Variants in DOCK3 observed in about 807,000 individuals in gnomAD.
DOCK3 encodes dedicator of cytokinesis protein 3.
Under a neutral mutation model 265.6 loss-of-function variants are expected in DOCK3, and 60 were observed. The observed-to-expected ratio is 0.23, with a 90% CI of 0.18 to 0.28. DOCK3 has a LOEUF of 0.28. DOCK3 is among the 10% of genes least tolerant of loss of function. The probability of loss-of-function intolerance (pLI) is 1.00; values close to 1 mark genes in which losing one functional copy is unlikely to be tolerated. For missense variants in DOCK3, 1,981 were observed against 2,594.3 expected (o/e 0.76, Z 5.14); for synonymous variants, 881 against 938.0 (o/e 0.94, Z 1.11).
Position 51,381,241 on chromosome 3 carries a change from C to T in DOCK3, c.5775C>T (p.Asp1925=), listed in dbSNP as rs782810606. The change falls in exon 53 of 53, where the codon GAC becomes GAT. Residue 1925 remains aspartate, a synonymous_variant. Transcript: ENST00000266037. This position sits in a 1 kb window ranked among gnomAD's most constrained non-coding sequence, Gnocchi z 5.6. ...TGCCAAGTCAGGCCTGGAATGCTGACGAAGATCTTGAGCCACCCTACCTCC... is the reference window on the plus strand; with the variant it reads ...TGCCAAGTCAGGCCTGGAATGCTGATGAAGATCTTGAGCCACCCTACCTCC... ...DSMPSQAWNA[D]EDLEPPYLPV... is the part of the protein sequence containing the mutation. The T allele has an allele frequency of 1.1e-5, 18 of 1,613,750 alleles. No homozygotes were observed. The African/African-American group carries it at 1.7e-4, about 16-fold the overall frequency.
intron 10 of DOCK3, among the ~76,000 whole-genome samples, chr3:51,158,746 A>T (rs530230431): frequency 3.7e-4 from 56 of 152,314 alleles, no homozygotes; most frequent in African/African-American, 1.3e-3. Context: ...GGTTTCACTG[A>T]TATCAAATTA....
intron 5 of DOCK3, among the ~76,000 whole-genome samples, chr3:50,960,385 A>G (rs1404872152): frequency 6.6e-6 from 1 of 152,118 alleles, no homozygotes; most frequent in East Asian, 1.9e-4. Flanking sequence ...TTTTTAAATC[A>G]TAACCATTCT....
intron 51 of DOCK3, among the ~76,000 whole-genome samples, chr3:51,378,613 C>A (rs1576995447): frequency 6.6e-6 from 1 of 152,220 alleles, no homozygotes; most frequent in Admixed American, 6.5e-5. Context: ...CTGGCTCCAA[C>A]AGAGAAAGGA....
intron 1 of DOCK3, among the ~76,000 whole-genome samples, chr3:50,695,791 C>G (rs942314978): frequency 6.6e-6 from 1 of 152,146 alleles, no homozygotes; most frequent in African/African-American, 2.4e-5. Context: ...ACTTCTGACA[C>G]CATCTGTTAA....
At chr3:51,183,407 T>C (rs2087412275) in intron 12 of DOCK3, among the ~76,000 whole-genome samples, 1 of 151,976 alleles carries the variant, frequency 6.6e-6, no homozygotes, top group African/African-American at 2.4e-5. Flanking sequence ...AGAAGAGCTA[T>C]CTTGAAATGG....
At chr3:50,742,809 A>C (rs989209311) in intron 1 of DOCK3, among the ~76,000 whole-genome samples, 236 of 152,328 alleles carry the variant, frequency 1.5e-3, no homozygotes, top group Non-Finnish European at 2.7e-3. Flanking sequence ...CAATCTAGCA[A>C]GGCAGGCCAA....
At chr3:51,021,087 C>T (rs1217695350) in intron 5 of DOCK3, among the ~76,000 whole-genome samples, 2 of 152,070 alleles carry the variant, frequency 1.3e-5, no homozygotes, top group Admixed American at 1.3e-4. Context: ...GATATTGATT[C>T]TTCCTATCCA....
intron 5 of DOCK3, among the ~76,000 whole-genome samples, chr3:50,971,211 T>C (rs1301956785): frequency 1.3e-5 from 2 of 151,748 alleles, no homozygotes; most frequent in African/African-American, 2.4e-5. Flanking sequence ...GATCTATTGC[T>C]GAGGAATTAG....
chr3:50,866,117 A>C (rs138163070), intron 3 of DOCK3, among the ~76,000 whole-genome samples: 26 of 152,182 alleles, frequency 1.7e-4, no homozygotes, highest in African/African-American at 6.3e-4. Flanking sequence ...TGCTGTGAAG[A>C]AGCTTTTTAA....
intron 1 of DOCK3, among the ~76,000 whole-genome samples, chr3:50,691,970 A>G (rs2035277976): frequency 6.8e-6 from 1 of 148,074 alleles, no homozygotes; most frequent in African/African-American, 2.5e-5. Flanking sequence ...GCTGGAGTGC[A>G]GTGGCACGAT....
At chr3:50,771,988 A>G (rs2041308035) in intron 1 of DOCK3, among the ~76,000 whole-genome samples, 1 of 152,212 alleles carries the variant, frequency 6.6e-6, no homozygotes, top group Non-Finnish European at 1.5e-5. Context: ...AGATATCTGC[A>G]CTCCCATGTT....
intron 2 of DOCK3, among the ~76,000 whole-genome samples, chr3:50,820,030 G>A (rs547342489): frequency 6.6e-6 from 1 of 152,050 alleles, no homozygotes; most frequent in Non-Finnish European, 1.5e-5. Flanking sequence ...TGTCTGAAAG[G>A]GGGAGAAAGC....
chr3:51,267,385 C>CT (rs111513994), intron 23 of DOCK3, among the ~76,000 whole-genome samples: 2,511 of 136,654 alleles, frequency 0.018, 71 homozygotes, highest in African/African-American at 0.052. Flanking sequence ...TTTTTTCTTT[C>CT]TTTTTTTTTT....
intron 3 of DOCK3, among the ~76,000 whole-genome samples, chr3:50,880,912 C>A (rs2047987235): frequency 6.6e-6 from 1 of 152,164 alleles, no homozygotes. Flanking sequence ...AGCAGCGAAT[C>A]AAAAAGCTTA....
intron 22 of DOCK3, among the ~76,000 whole-genome samples, chr3:51,251,836 C>A (rs1371498542): frequency 6.6e-6 from 1 of 152,192 alleles, no homozygotes; most frequent in Non-Finnish European, 1.5e-5. Context: ...ATGATAGCTT[C>A]TTTTGCTGTG....
intron 3 of DOCK3, chr3:50,877,549 A>G: frequency 1.9e-6 from 1 of 520,002 alleles, no homozygotes. Flanking sequence ...GACTGTGTTG[A>G]CATACAGAAT....
At chr3:50,736,363 G>A (rs554086980) in intron 1 of DOCK3, among the ~76,000 whole-genome samples, 1 of 152,150 alleles carries the variant, frequency 6.6e-6, no homozygotes, top group African/African-American at 2.4e-5. Context: ...ATAAACATAT[G>A]TGTGCATGTG....
At chr3:51,176,313 A>G (rs936357631) in intron 12 of DOCK3, among the ~76,000 whole-genome samples, 4 of 152,134 alleles carry the variant, frequency 2.6e-5, no homozygotes, top group Non-Finnish European at 4.4e-5. Flanking sequence ...TCCAAAAAGA[A>G]TGGCATGAAA....
At chr3:51,318,334 G>A (rs568320401) in intron 32 of DOCK3, among the ~76,000 whole-genome samples, 3 of 152,168 alleles carry the variant, frequency 2.0e-5, no homozygotes, top group East Asian at 1.9e-4. Context: ...ATCTGAGATC[G>A]CACCACTGCT....
Sources: gnomAD v4.1 joint callset for allele counts (sites outside exome capture counted in the v4.1 genomes callset) on GRCh38, gnomAD v4.1.1 for gene constraint, Gnocchi (gnomAD v3.1) non-coding constraint, MANE v1.5 for transcripts, NCBI Gene and HGNC (gene_info 2026-07-23, HGNC 2026-07-21) for gene names.